Variants in DPYD observed in about 807,000 individuals in gnomAD.
DPYD encodes the protein dihydropyrimidine dehydrogenase, also known as dihydropyrimidine dehydrogenase [NADP(+)].
DPYD carries 109 observed loss-of-function variants against 116.2 expected under a neutral mutation model. That is an observed-to-expected ratio of 0.94 (90% CI 0.80 to 1.10). The LOEUF (loss-of-function observed/expected upper bound fraction) is 1.10, where lower values mean the gene tolerates loss of function less well. Ranked by LOEUF, DPYD falls within the 50% of genes least tolerant of loss-of-function variation. The pLI, the probability that DPYD is intolerant of heterozygous loss-of-function variation, is 0.00. For missense variants in DPYD, 1,302 were observed against 1,254.5 expected (o/e 1.04, Z -0.57); for synonymous variants, 440 against 432.0 (o/e 1.02, Z -0.23).
chr1:97,873,073 C>G (rs1174528999), intron 2 of DPYD, among the ~76,000 whole-genome samples: 2 of 151,832 alleles, frequency 1.3e-5, no homozygotes, highest in Non-Finnish European at 2.9e-5. Context: ...TCAGCTGTAA[C>G]TCCCATGGAA....
At chr1:97,317,782 C>T (rs886193856) in intron 16 of DPYD, among the ~76,000 whole-genome samples, 35 of 152,068 alleles carry the variant, frequency 2.3e-4, no homozygotes, top group Non-Finnish European at 1.6e-4. Context: ...AGGGAAGTCA[C>T]GCTTCTGTCC....
intron 18 of DPYD, among the ~76,000 whole-genome samples, chr1:97,274,723 T>A (rs931112429): frequency 1.3e-5 from 2 of 152,152 alleles, no homozygotes; most frequent in African/African-American, 4.8e-5. Flanking sequence ...GCGCAATTAC[T>A]TTTGCACCAA....
intron 12 of DPYD, among the ~76,000 whole-genome samples, chr1:97,527,362 C>T (rs1649222819): frequency 6.6e-6 from 1 of 152,068 alleles, no homozygotes; most frequent in Non-Finnish European, 1.5e-5. Flanking sequence ...CAGGCGTGAG[C>T]CACCATGCCC....
chr1:97,269,061 A>G (rs1664409716), intron 18 of DPYD, among the ~76,000 whole-genome samples: 1 of 152,054 alleles, frequency 6.6e-6, no homozygotes, highest in Non-Finnish European at 1.5e-5. Flanking sequence ...TGTTGCTTAG[A>G]TATTTATCCT....
Position 97,560,869 on chromosome 1 carries a change from T to A in DPYD, c.1340-11125A>T, listed in dbSNP as rs369682123. ...GCCATCAGAGCTAAAACATAAAGGA[T>A]AAGAATGAACCAGTCACGTGATGAC... On this transcript the variant is annotated intron_variant, in intron 11 of 22. Transcript: ENST00000370192. Among the ~76,000 whole-genome samples the A allele has an allele frequency of 6.6e-5, 10 of 152,126 alleles. No individual in the cohort carries two copies. The East Asian group carries it at 1.7e-3, about 27-fold the overall frequency.
At chr1:97,338,354 G>C (rs576263830) in intron 16 of DPYD, among the ~76,000 whole-genome samples, 1 of 152,276 alleles carries the variant, frequency 6.6e-6, no homozygotes, top group Non-Finnish European at 1.5e-5. Flanking sequence ...CTGAAGCCTT[G>C]AGTTTCCTGG....
At chr1:97,160,778 A>G (rs1316083351) in intron 20 of DPYD, among the ~76,000 whole-genome samples, 1 of 152,146 alleles carries the variant, frequency 6.6e-6, no homozygotes, top group Non-Finnish European at 1.5e-5. Context: ...CTGGGATTCC[A>G]TAATGTGATA....
chr1:97,124,912 A>G (rs142706323), intron 20 of DPYD, among the ~76,000 whole-genome samples: 1 of 152,258 alleles, frequency 6.6e-6, no homozygotes, highest in African/African-American at 2.4e-5. Context: ...TAACATGGGA[A>G]GTTAGAGAGT....
chr1:97,803,814 T>A (rs1667952495), intron 3 of DPYD, among the ~76,000 whole-genome samples: 1 of 151,878 alleles, frequency 6.6e-6, no homozygotes. Context: ...CGTTACATGG[T>A]TAGTTTTACC....
At chr1:97,425,153 G>C (rs1227425829) in intron 14 of DPYD, among the ~76,000 whole-genome samples, 1 of 151,880 alleles carries the variant, frequency 6.6e-6, no homozygotes, top group Non-Finnish European at 1.5e-5. Flanking sequence ...GTGTGCTTCT[G>C]CATCAATACT....
At chr1:97,809,425 C>A (rs919330409) in intron 3 of DPYD, among the ~76,000 whole-genome samples, 5 of 152,164 alleles carry the variant, frequency 3.3e-5, no homozygotes, top group African/African-American at 1.2e-4. Context: ...TCAGCTGTTA[C>A]AATAGCCAGC....
chr1:97,127,707 G>A (rs1039549439), intron 20 of DPYD, among the ~76,000 whole-genome samples: 1 of 152,072 alleles, frequency 6.6e-6, no homozygotes, highest in Admixed American at 6.6e-5. Context: ...TAATTTACTT[G>A]CTACAGATTA....
At chr1:97,626,172 C>T (rs1656916592) in intron 8 of DPYD, among the ~76,000 whole-genome samples, 1 of 151,860 alleles carries the variant, frequency 6.6e-6, no homozygotes, top group Admixed American at 6.6e-5. Flanking sequence ...TCGTATTTCC[C>T]ACGGTGCCAA....
chr1:97,686,526 A>C (rs1404486515), intron 7 of DPYD, among the ~76,000 whole-genome samples: 1 of 149,550 alleles, frequency 6.7e-6, no homozygotes, highest in Non-Finnish European at 1.5e-5. Flanking sequence ...AGTCCCAGCT[A>C]CTCGGGAGGC....
chr1:97,246,446 A>G (rs980219265), intron 18 of DPYD, among the ~76,000 whole-genome samples: 2 of 152,156 alleles, frequency 1.3e-5, no homozygotes, highest in Non-Finnish European at 1.5e-5. Flanking sequence ...GGCTTTGAGG[A>G]AGATGCAGGA....
In DPYD at chr1:97,593,370, A is replaced by C; in HGVS notation, c.976T>G (p.Ser326Ala). Reference protein sequence around the residue: ...GSKAGMCACHSPLPSIRGVVI... With the variant: ...GSKAGMCACHAPLPSIRGVVI... ...ACTCCCCGTATCGATGGCAATGGAG[A>C]GTGACAGGCGCACATTCCTGAATGA... is the stretch of plus-strand genomic sequence containing the variant. The change falls in exon 10 of 23, where the codon TCT becomes GCT. Residue 326 changes from serine (S) to alanine (A), a missense_variant. Ser to Ala is a moderately conservative substitution (Grantham distance 99, BLOSUM62 1). Coordinates refer to ENST00000370192, the MANE Select transcript of DPYD (RefSeq NM_000110.4). 1 of 1,614,084 alleles carries C rather than the reference A, an allele frequency of 6.2e-7. No individual in the cohort carries two copies. The highest frequency in any genetic ancestry group is 8.5e-7 in the Non-Finnish European group (1 of 1,179,998).
At chr1:97,635,657 G>A (rs1657517563) in intron 8 of DPYD, among the ~76,000 whole-genome samples, 1 of 152,116 alleles carries the variant, frequency 6.6e-6, no homozygotes, top group African/African-American at 2.4e-5. Context: ...TATCCTCAGT[G>A]TCTATATTGT....
intron 12 of DPYD, among the ~76,000 whole-genome samples, chr1:97,531,812 G>A (rs1472469213): frequency 1.3e-5 from 2 of 152,010 alleles, no homozygotes; most frequent in Non-Finnish European, 2.9e-5. Flanking sequence ...GTATTTTAGA[G>A]TTTTTATTTT....
intron 14 of DPYD, among the ~76,000 whole-genome samples, chr1:97,408,940 A>C (rs1185247835): frequency 1.3e-5 from 2 of 152,086 alleles, no homozygotes; most frequent in Non-Finnish European, 2.9e-5. Flanking sequence ...TTGGGCCTTC[A>C]TCCACAGACT....
Sources: gnomAD v4.1 joint callset for allele counts (sites outside exome capture counted in the v4.1 genomes callset) on GRCh38, gnomAD v4.1.1 for gene constraint, MANE v1.5 for transcripts, NCBI Gene and HGNC (gene_info 2026-07-23, HGNC 2026-07-21) for gene names.